SLC25A15: variants seen among roughly 807,000 people sequenced by gnomAD.
SLC25A15 encodes the protein mitochondrial ornithine transporter 1.
SLC25A15 carries 24 observed loss-of-function variants against 32.3 expected under a neutral mutation model. That is an observed-to-expected ratio of 0.74 (90% CI 0.54 to 1.04). The LOEUF (loss-of-function observed/expected upper bound fraction) is 1.04. Among genes scored for constraint, SLC25A15 ranks in the 50% least tolerant of loss-of-function variants. The probability of loss-of-function intolerance (pLI) is 0.00; values close to 1 mark genes in which losing one functional copy is unlikely to be tolerated. For synonymous variants in SLC25A15, 132 were observed against 142.1 expected (o/e 0.93, Z 0.51); for missense variants, 317 against 374.5 (o/e 0.85, Z 1.27).
chr13:40,808,392 G>C, intron 5 of SLC25A15, 46 bp from the exon 6 acceptor site: 1 of 1,551,696 alleles, frequency 6.4e-7, no homozygotes, highest in Non-Finnish European at 8.9e-7. Context: ...TGTCACATCA[G>C]CTGTTCTTGA....
chr13:40,811,341 T>A lies in SLC25A15; in HGVS notation c.*1674T>A, dbSNP rs1377718460. 6.6e-6 allele frequency among the ~76,000 whole-genome samples: 1 copy of A among 151,916 alleles called. No individual in the cohort carries two copies. Among genetic ancestry groups the A allele is most frequent in the Non-Finnish European group, 1.5e-5 (1 of 67,960 alleles). On this transcript the variant is annotated 3_prime_UTR_variant, in exon 7 of 7. Transcript: ENST00000338625. ...CCATCTCTACTAAAAATACAAAAAT[T>A]AGCTGGGCGTGGTGGCACGTGCCTG...
At chr13:40,803,041 G>A (rs1461056812) in intron 3 of SLC25A15, among the ~76,000 whole-genome samples, 1 of 152,046 alleles carries the variant, frequency 6.6e-6, no homozygotes, top group Admixed American at 6.5e-5. Context: ...TGGGTGTCAG[G>A]GAACCAGTTC....
intron 2 of SLC25A15, among the ~76,000 whole-genome samples, chr13:40,796,300 C>A (rs111875488): frequency 4.8e-4 from 73 of 152,256 alleles, no homozygotes; most frequent in African/African-American, 1.7e-3. Flanking sequence ...GTTCCCATTT[C>A]CCTATCTGCA....
intron 3 of SLC25A15, among the ~76,000 whole-genome samples, chr13:40,799,874 G>A (rs530083015): frequency 6.6e-6 from 1 of 152,340 alleles, no homozygotes; most frequent in East Asian, 1.9e-4. Flanking sequence ...AACTTGAGGA[G>A]TTTTAGGAAG....
chr13:40,800,109 G>C (rs1033109217), intron 3 of SLC25A15, among the ~76,000 whole-genome samples: 1 of 152,184 alleles, frequency 6.6e-6, no homozygotes, highest in Non-Finnish European at 1.5e-5. Flanking sequence ...GCAAAGGGCA[G>C]TCTTAGTTAT....
intron 1 of SLC25A15, among the ~76,000 whole-genome samples, chr13:40,790,569 G>T (rs1005493881): frequency 6.6e-6 from 1 of 152,108 alleles, no homozygotes; most frequent in African/African-American, 2.4e-5. Flanking sequence ...AATTCTAATG[G>T]CTATTTGTAG....
At chr13:40,790,714 A>T (rs1004518741) in intron 1 of SLC25A15, among the ~76,000 whole-genome samples, 1 of 152,052 alleles carries the variant, frequency 6.6e-6, no homozygotes, top group Admixed American at 6.6e-5. Context: ...CAGCCTCCCG[A>T]GTAGCTGGGA....
At chr13:40,791,457 A>G (rs543241911) in intron 1 of SLC25A15, among the ~76,000 whole-genome samples, 71 of 151,562 alleles carry the variant, frequency 4.7e-4, no homozygotes, top group African/African-American at 1.7e-3. Context: ...TCCCGGGTTC[A>G]AGTGAATCTT....
At chr13:40,798,232 A>G (rs559500402) in intron 2 of SLC25A15, among the ~76,000 whole-genome samples, 13 of 150,308 alleles carry the variant, frequency 8.6e-5, no homozygotes, top group South Asian at 8.4e-4. Context: ...GTGAGCTGAG[A>G]TTGCACCACT....
intron 3 of SLC25A15, among the ~76,000 whole-genome samples, chr13:40,801,810 A>G (rs1881903016): frequency 6.6e-6 from 1 of 152,218 alleles, no homozygotes; most frequent in African/African-American, 2.4e-5. Flanking sequence ...TGACAAATGG[A>G]TGATTCTTAC....
intron 5 of SLC25A15, among the ~76,000 whole-genome samples, chr13:40,807,825 AAT>A (rs1348259164): frequency 6.6e-6 from 1 of 152,196 alleles, no homozygotes; most frequent in African/African-American, 2.4e-5. Flanking sequence ...TGGAAATCTT[AAT>A]AGTGTTTTGA....
chr13:40,799,049 G>C lies in SLC25A15; in HGVS notation c.56-8G>C. 1 of 1,614,208 alleles carries C rather than the reference G, an allele frequency of 6.2e-7. No individual in the cohort carries two copies. The highest frequency in any genetic ancestry group is 8.5e-7 in the Non-Finnish European group (1 of 1,180,032). The stretch of plus-strand genomic sequence containing the variant: ...TCGTACTAGAGCAGTCATCTGTCCT[G>C]ATTGCAGGAGGTACAGCATGTGTAC... On this transcript the variant is annotated splice_polypyrimidine_tract_variant and splice_region_variant and intron_variant, in intron 2 of 6. Transcript: ENST00000338625.
chr13:40,808,932 C>CAA (rs58015661), intron 6 of SLC25A15, among the ~76,000 whole-genome samples: 46 of 78,742 alleles, frequency 5.8e-4, no homozygotes, highest in African/African-American at 1.0e-3. Flanking sequence ...GACTCTGTCT[C>CAA]AAAAAAAAAA....
intron 2 of SLC25A15, among the ~76,000 whole-genome samples, chr13:40,797,508 A>G (rs1209010877): frequency 6.6e-6 from 1 of 152,204 alleles, no homozygotes; most frequent in Middle Eastern, 3.2e-3. Context: ...AGGATTAATC[A>G]TAATAAAATC....
chr13:40,809,744 C>T lies in SLC25A15; in HGVS notation c.*77C>T. 3.3e-6 allele frequency: 5 copies of T among 1,499,916 alleles called. No homozygotes were observed. The highest frequency in any genetic ancestry group is 1.1e-5 in the South Asian group (1 of 88,582). The allele number at this position is 1,499,916 out of a possible 1,614,324, so 92.9% of individuals were successfully genotyped here. On this transcript the variant is annotated 3_prime_UTR_variant, in exon 7 of 7. Transcript: ENST00000338625. ...TCTCAGGGTTTCTTGGAGTACAAGA[C>T]CAGTGTGAAGTTATTCTGATTTCTT...
intron 2 of SLC25A15, among the ~76,000 whole-genome samples, chr13:40,795,550 TC>T (rs1239592571): frequency 1.3e-5 from 2 of 152,104 alleles, no homozygotes. Flanking sequence ...GACAGGTATT[TC>T]CCCCTGTGCT....
At position 40,811,383 on chromosome 13, in the gene SLC25A15, G is replaced by A. The variant is rs1221228384; in HGVS notation, c.*1716G>A. Reference sequence around the variant, plus strand: ...ACGTGCCTGTAATCCCAGCTACTCAGGAGGCTGAGGCAGGAGAATCGCTTG... The same window carrying A: ...ACGTGCCTGTAATCCCAGCTACTCAAGAGGCTGAGGCAGGAGAATCGCTTG... On this transcript the variant is annotated 3_prime_UTR_variant, in exon 7 of 7. Transcript: ENST00000338625. 1.3e-5 allele frequency among the ~76,000 whole-genome samples: 2 copies of A among 152,096 alleles called. No homozygotes were observed. The highest frequency in any genetic ancestry group is 6.5e-5 in the Admixed American group (1 of 15,268).
At chr13:40,797,332 T>C (rs1341149758) in intron 2 of SLC25A15, among the ~76,000 whole-genome samples, 1 of 152,232 alleles carries the variant, frequency 6.6e-6, no homozygotes, top group Non-Finnish European at 1.5e-5. Context: ...AAAATATGAA[T>C]GTGCTGAATT....
At chr13:40,793,012 C>A in intron 1 of SLC25A15, 146 bp from the exon 2 acceptor site, 1 of 607,790 alleles carries the variant, frequency 1.6e-6, no homozygotes, top group Non-Finnish European at 3.0e-6. Context: ...TGCTAAGCTG[C>A]ACTGATACCT....
Sources: allele counts gnomAD v4.1 joint callset (sites outside exome capture counted in the v4.1 genomes callset), GRCh38; gene constraint gnomAD v4.1.1; transcripts MANE v1.5; gene names NCBI Gene and HGNC (gene_info 2026-07-23, HGNC 2026-07-21).